ORC4: variants seen among roughly 807,000 people sequenced by gnomAD.
ORC4 encodes the protein origin recognition complex subunit 4.
Under a neutral mutation model 63.9 loss-of-function variants are expected in ORC4, and 55 were observed. That is an observed-to-expected ratio of 0.86 (90% CI 0.69 to 1.08). The LOEUF (loss-of-function observed/expected upper bound fraction) is 1.08, where lower values mean the gene tolerates loss of function less well. Ranked by LOEUF, ORC4 falls within the 50% of genes least tolerant of loss-of-function variation. ORC4 has a pLI of 0.00. For missense variants in ORC4, 511 were observed against 504.4 expected (o/e 1.01, Z -0.13); for synonymous variants, 150 against 168.5 (o/e 0.89, Z 0.85).
intron 1 of ORC4, among the ~76,000 whole-genome samples, chr2:147,986,836 A>G (rs1414129419): frequency 6.6e-6 from 1 of 151,246 alleles, no homozygotes; most frequent in African/African-American, 2.4e-5. Flanking sequence ...GAATCCACTA[A>G]AATAAAAAAC....
At position 147,930,897 on chromosome 2, in the gene ORC4, G is replaced by A. The variant is rs1687688271; in HGVS notation, c.*4613C>T. On this transcript the variant is annotated 3_prime_UTR_variant, in exon 14 of 14. Transcript: ENST00000392857. The stretch of plus-strand genomic sequence containing the variant: ...ATACTTTAAGTTTTAGGGTACATGT[G>A]CACATTGTGCAGGTTAGTTACATAG... 1 of 148,076 alleles carries A rather than the reference G, an allele frequency of 6.8e-6. No homozygotes were observed. The highest frequency in any genetic ancestry group is 1.5e-5 in the Non-Finnish European group (1 of 67,272). The allele number at this position is 148,076 out of a possible 1,614,324, so 9.2% of individuals were successfully genotyped here. A position where few individuals can be genotyped will look rare whatever the true frequency, so the allele number is the denominator to read the frequency against.
chr2:147,967,958 C>T (rs982731777), intron 4 of ORC4, among the ~76,000 whole-genome samples: 2 of 151,900 alleles, frequency 1.3e-5, no homozygotes, highest in Admixed American at 1.3e-4. Flanking sequence ...ACATGTAGAC[C>T]AATAGAACAG....
At chr2:147,986,370 T>C (rs1414927165) in intron 1 of ORC4, among the ~76,000 whole-genome samples, 2 of 152,156 alleles carry the variant, frequency 1.3e-5, no homozygotes, top group Non-Finnish European at 2.9e-5. Context: ...ACCTCACTCT[T>C]AAAAGCTATA....
intron 1 of ORC4, among the ~76,000 whole-genome samples, chr2:147,999,040 A>G (rs1464927410): frequency 6.6e-6 from 1 of 152,326 alleles, no homozygotes; most frequent in African/African-American, 2.4e-5. Flanking sequence ...AAAATATACA[A>G]AGCCATCCAG....
intron 4 of ORC4, among the ~76,000 whole-genome samples, chr2:147,965,066 C>A (rs1045297810): frequency 6.6e-6 from 1 of 152,098 alleles, no homozygotes; most frequent in African/African-American, 2.4e-5. Flanking sequence ...TCAAGGGAGT[C>A]TAACATCCAC....
chr2:147,948,128 T>G lies in ORC4; in HGVS notation c.685A>C (p.Ile229Leu), dbSNP rs770546944. 3.7e-6 allele frequency: 6 copies of G among 1,611,112 alleles called. No homozygotes were observed. The highest frequency in any genetic ancestry group is 3.3e-5 in the Admixed American group (2 of 59,948). ...NSFGFPQYVKIFKEQLSLPAE... is the reference protein window; with the variant it reads ...NSFGFPQYVKLFKEQLSLPAE... ...GGTAGAGATAACTGTTCTTTAAATATTTTAACATACTGTGGAAAACCAAAT... is the reference window on the plus strand; with the variant it reads ...GGTAGAGATAACTGTTCTTTAAATAGTTTAACATACTGTGGAAAACCAAAT... The change falls in exon 9 of 14, where the codon ATA becomes CTA. Residue 229 changes from isoleucine (I) to leucine (L), a missense_variant. Physicochemically the swap from Ile to Leu is conservative, Grantham distance 5. Transcript: ENST00000392857.
At chr2:147,954,940 T>C (rs1689161383) in intron 7 of ORC4, among the ~76,000 whole-genome samples, 1 of 151,990 alleles carries the variant, frequency 6.6e-6, no homozygotes, top group South Asian at 2.1e-4. Context: ...TGGATGATCA[T>C]CAAAGTATCT....
intron 9 of ORC4, among the ~76,000 whole-genome samples, chr2:147,944,927 C>A (rs898270784): frequency 6.6e-6 from 1 of 151,862 alleles, no homozygotes; most frequent in African/African-American, 2.4e-5. Context: ...GTTACTATAT[C>A]TTTTTCTATC....
chr2:148,007,322 G>A (rs1038821403), intron 1 of ORC4, among the ~76,000 whole-genome samples: 3 of 151,996 alleles, frequency 2.0e-5, no homozygotes, highest in African/African-American at 4.8e-5. Context: ...TCAAAATAGC[G>A]GTCTTGAGAA....
At position 147,932,976 on chromosome 2, in the gene ORC4, A is replaced by C. The variant is rs1215791321; in HGVS notation, c.*2534T>G. 6.6e-6 allele frequency: 1 copy of C among 152,126 alleles called. No individual in the cohort carries two copies. The highest frequency in any genetic ancestry group is 6.6e-5 in the Admixed American group (1 of 15,246). 9.4% of individuals were successfully genotyped at this position (152,126 alleles called of 1,614,324 possible). Reference sequence around the variant, plus strand: ...ACATATACAGCATTATGATACAGTAAGTTTGGACCAAACAGGTATTCATTC... The same window carrying C: ...ACATATACAGCATTATGATACAGTACGTTTGGACCAAACAGGTATTCATTC... On this transcript the variant is annotated 3_prime_UTR_variant, in exon 14 of 14. Coordinates refer to ENST00000392857, the MANE Select transcript of ORC4 (RefSeq NM_181741.4).
chr2:147,984,483 T>C (rs894496533), intron 1 of ORC4, among the ~76,000 whole-genome samples: 3 of 152,256 alleles, frequency 2.0e-5, no homozygotes, highest in Non-Finnish European at 2.9e-5. Flanking sequence ...AGTTAAGTTT[T>C]TGGGGAGGCA....
chr2:147,964,456 G>A (rs1429800851), intron 4 of ORC4, among the ~76,000 whole-genome samples: 1 of 152,104 alleles, frequency 6.6e-6, no homozygotes, highest in East Asian at 1.9e-4. Context: ...ACTTCAATAA[G>A]TGAACAAATA....
At chr2:147,997,645 C>T (rs370989588) in intron 1 of ORC4, among the ~76,000 whole-genome samples, 1 of 152,120 alleles carries the variant, frequency 6.6e-6, no homozygotes, top group East Asian at 1.9e-4. Flanking sequence ...TCTCATGCTG[C>T]CATTAAATGT....
rs1055151386 is a variant in ORC4, at chr2:147,930,838, C to T, written c.*4672G>A. The T allele has an allele frequency of 1.3e-5, 2 of 149,094 alleles. No homozygotes were observed. Among genetic ancestry groups the T allele is most frequent in the African/African-American group, 5.0e-5 (2 of 39,914 alleles). The allele number at this position is 149,094 out of a possible 1,614,324, so 9.2% of individuals were successfully genotyped here. A position where few individuals can be genotyped will look rare whatever the true frequency, so the allele number is the denominator to read the frequency against. ...ATGAATACGGTATGATTTGCATATGCAGTTTTTCTTTAGCTATGTTTTTTT... is the reference window on the plus strand; with the variant it reads ...ATGAATACGGTATGATTTGCATATGTAGTTTTTCTTTAGCTATGTTTTTTT... On this transcript the variant is annotated 3_prime_UTR_variant, in exon 14 of 14. Transcript: ENST00000392857.
At chr2:147,977,194 T>C (rs572614660) in intron 1 of ORC4, among the ~76,000 whole-genome samples, 1 of 152,332 alleles carries the variant, frequency 6.6e-6, no homozygotes, top group East Asian at 1.9e-4. Context: ...AGTATATAAA[T>C]GGAAGAGCCA....
rs376642272 is a variant in ORC4, at chr2:147,938,225, G to A, written c.1055-12C>T. On this transcript the variant is annotated splice_polypyrimidine_tract_variant and intron_variant, in intron 12 of 13. Transcript: ENST00000392857. ...AAACTTCTGAAACTCTGAGTAGAAA[G>A]CAATGACAACATTATACCTTCAAAT... 1.9e-6 allele frequency: 3 copies of A among 1,610,554 alleles called. No individual in the cohort carries two copies. The highest frequency in any genetic ancestry group is 2.5e-6 in the Non-Finnish European group (3 of 1,177,068).
At chr2:147,944,651 T>C (rs991673532) in intron 9 of ORC4, among the ~76,000 whole-genome samples, 8 of 151,114 alleles carry the variant, frequency 5.3e-5, no homozygotes, top group Admixed American at 2.6e-4. Flanking sequence ...CTGGAAAAGA[T>C]TGTCATAATT....
Position 147,934,624 on chromosome 2 carries a change from C to T in ORC4, c.*886G>A, listed in dbSNP as rs1687943832. ...CTGATGATATGTATATAGCCTGTTA[C>T]ACACTTAGGCTATACAGATAGCCTA... On this transcript the variant is annotated 3_prime_UTR_variant, in exon 14 of 14. Coordinates refer to ENST00000392857, the MANE Select transcript of ORC4 (RefSeq NM_181741.4). 1 of 152,120 alleles carries T rather than the reference C, an allele frequency of 6.6e-6. No homozygotes were observed. The highest frequency in any genetic ancestry group is 1.5e-5 in the Non-Finnish European group (1 of 68,034). 9.4% of individuals were successfully genotyped at this position (152,120 alleles called of 1,614,324 possible).
chr2:147,952,596 T>G, intron 7 of ORC4, 72 bp from the exon 8 acceptor site: 1 of 1,226,284 alleles, frequency 8.2e-7, no homozygotes, highest in South Asian at 1.2e-5. Context: ...AACCATTTAC[T>G]ATATTTCAGT....
Sources: allele counts gnomAD v4.1 joint callset (sites outside exome capture counted in the v4.1 genomes callset), GRCh38; gene constraint gnomAD v4.1.1; transcripts MANE v1.5; gene names NCBI Gene and HGNC (gene_info 2026-07-23, HGNC 2026-07-21).